DDAH1: variants seen among roughly 807,000 people sequenced by gnomAD.
DDAH1 encodes the protein N(G),N(G)-dimethylarginine dimethylaminohydrolase 1.
Under a neutral mutation model 28.8 loss-of-function variants are expected in DDAH1, and 19 were observed. The ratio of observed to expected loss-of-function variants is 0.66; its 90% CI spans 0.46 to 0.97. The LOEUF is 0.97. Ranked by LOEUF, DDAH1 falls within the 50% of genes least tolerant of loss-of-function variation. The pLI, the probability that DDAH1 is intolerant of heterozygous loss-of-function variation, is 0.00. For missense variants in DDAH1, 326 were observed against 375.9 expected, an observed-to-expected ratio of 0.87 and a Z score of 1.10; for synonymous variants, 153 against 154.4, an observed-to-expected ratio of 0.99 and a Z score of 0.07.
chr1:85,452,523 T>G (rs569609376), intron 1 of DDAH1, among the ~76,000 whole-genome samples: 7 of 151,964 alleles, frequency 4.6e-5, no homozygotes, highest in South Asian at 4.2e-4. Context: ...CTATTTCAGT[T>G]CCTTTACAAA....
rs1329252313 is a variant in DDAH1, at chr1:85,473,505, G to A, written c.-7+22661C>T. ...TATGTGTACACACACACACACGCAC[G>A]CGCACAGGGCTCTGATAACCCCCTT... On this transcript the variant is annotated intron_variant, in intron 2 of 6. Coordinates refer to the DDAH1 transcript ENST00000426972. Among the ~76,000 whole-genome samples the A allele has an allele frequency of 5.9e-5, 9 of 151,756 alleles. 1 individual carries two copies. In the South Asian group the frequency reaches 8.3e-4, roughly 14 times the overall value.
intron 1 of DDAH1, among the ~76,000 whole-genome samples, chr1:85,549,641 C>A (rs942117015): frequency 5.9e-5 from 9 of 152,156 alleles, no homozygotes; most frequent in African/African-American, 2.2e-4. Context: ...TTGTGCTTTG[C>A]ATTTTTAAAT....
intron 1 of DDAH1, among the ~76,000 whole-genome samples, chr1:85,459,125 G>C (rs927467041): frequency 2.0e-5 from 3 of 152,184 alleles, no homozygotes; most frequent in African/African-American, 7.2e-5. Context: ...GTTGTAAGTA[G>C]ATTTTTCTGT....
intron 1 of DDAH1, among the ~76,000 whole-genome samples, chr1:85,568,951 C>T (rs574670154): frequency 6.6e-6 from 1 of 152,302 alleles, no homozygotes; most frequent in South Asian, 2.1e-4. Context: ...GCAAGCTCTC[C>T]TCTAGACTGT....
At chr1:85,481,187 T>C (rs966349678) in intron 2 of DDAH1, among the ~76,000 whole-genome samples, 9 of 146,334 alleles carry the variant, frequency 6.2e-5, no homozygotes, top group Admixed American at 2.1e-4. Context: ...AGCCTCTGCC[T>C]CCCAGGTTGA....
chr1:85,411,949 G>A (rs991780157), intron 1 of DDAH1, among the ~76,000 whole-genome samples: 3 of 152,152 alleles, frequency 2.0e-5, no homozygotes, highest in Non-Finnish European at 4.4e-5. Flanking sequence ...ATCTACCAAG[G>A]CCTGCAGGAA....
chr1:85,504,957 GATTCTTTTTTTTTTTTT>G (rs1656958002), intron 1 of DDAH1, among the ~76,000 whole-genome samples: 1 of 105,708 alleles, frequency 9.5e-6, no homozygotes, highest in African/African-American at 3.7e-5. Context: ...GGCCCTCAAT[GATTCTTTTTTTTTTTTT>G]TTTTTTTTTT....
At chr1:85,335,988 A>G (rs889130843) in intron 4 of DDAH1, among the ~76,000 whole-genome samples, 2 of 150,974 alleles carry the variant, frequency 1.3e-5, no homozygotes, top group African/African-American at 4.9e-5. Flanking sequence ...AAAATAAAAT[A>G]AAATAAAATA....
At chr1:85,382,184 GAAATT>G (rs1651026661) in intron 1 of DDAH1, among the ~76,000 whole-genome samples, 1 of 152,160 alleles carries the variant, frequency 6.6e-6, no homozygotes. Context: ...GTTGTTGAAG[GAAATT>G]AAAAGTGCCA....
chr1:85,423,023 G>A (rs534255156), intron 1 of DDAH1, among the ~76,000 whole-genome samples: 2 of 152,270 alleles, frequency 1.3e-5, no homozygotes, highest in Admixed American at 6.5e-5. Context: ...TTTTGTTATG[G>A]CAGGCTGAGC....
At chr1:85,349,717 C>T (rs1360033488) in intron 4 of DDAH1, among the ~76,000 whole-genome samples, 1 of 152,214 alleles carries the variant, frequency 6.6e-6, no homozygotes, top group Non-Finnish European at 1.5e-5. Flanking sequence ...GCAAAACAGA[C>T]ACAGTCTTTA....
intron 2 of DDAH1, among the ~76,000 whole-genome samples, chr1:85,481,107 T>C (rs1239611032): frequency 6.8e-6 from 1 of 147,862 alleles, no homozygotes; most frequent in African/African-American, 2.5e-5. Context: ...TGTTTTTTTT[T>C]TTTTTTTTGA....
intron 1 of DDAH1, among the ~76,000 whole-genome samples, chr1:85,451,702 T>A (rs192078210): frequency 2.0e-5 from 3 of 152,116 alleles, no homozygotes; most frequent in East Asian, 3.9e-4. Flanking sequence ...GAGGTATGCA[T>A]GCTAGAGGGG....
At chr1:85,366,107 A>AC (rs1171043803) in intron 1 of DDAH1, among the ~76,000 whole-genome samples, 7 of 151,974 alleles carry the variant, frequency 4.6e-5, no homozygotes, top group Non-Finnish European at 8.8e-5. Context: ...TAAAAAAAAA[A>AC]AAAACAAAAC....
At chr1:85,575,291 G>T (rs927113062) in intron 1 of DDAH1, among the ~76,000 whole-genome samples, 13 of 152,174 alleles carry the variant, frequency 8.5e-5, no homozygotes, top group Non-Finnish European at 1.9e-4. Context: ...TGGGTCCACA[G>T]TGAACACCCA....
intron 2 of DDAH1, among the ~76,000 whole-genome samples, chr1:85,490,301 A>G (rs1270669189): frequency 6.6e-6 from 1 of 152,250 alleles, no homozygotes; most frequent in Non-Finnish European, 1.5e-5. Flanking sequence ...TTGAGGGCTG[A>G]ACTGACAGGA....
chr1:85,493,284 T>C (rs1294170947), intron 2 of DDAH1: 3 of 152,152 alleles, frequency 2.0e-5, no homozygotes, highest in African/African-American at 4.8e-5. Flanking sequence ...AAATATATTT[T>C]TGTTAACTGA....
intron 1 of DDAH1, among the ~76,000 whole-genome samples, chr1:85,408,449 A>G (rs1652509398): frequency 6.6e-6 from 1 of 152,198 alleles, no homozygotes; most frequent in Non-Finnish European, 1.5e-5. Context: ...ATAAAGGTAT[A>G]TCATTTTGAT....
chr1:85,572,549 A>C (rs931853332), intron 1 of DDAH1, among the ~76,000 whole-genome samples: 1 of 152,188 alleles, frequency 6.6e-6, no homozygotes, highest in African/African-American at 2.4e-5. Flanking sequence ...CATCCTACAG[A>C]GTTGTTTATA....
Sources: gnomAD v4.1 joint callset for allele counts (sites outside exome capture counted in the v4.1 genomes callset) on GRCh38, gnomAD v4.1.1 for gene constraint, MANE v1.5 for transcripts, NCBI Gene and HGNC (gene_info 2026-07-23, HGNC 2026-07-21) for gene names.